Variants in HS3ST4 observed in about 807,000 individuals in gnomAD.
The protein encoded by HS3ST4 is heparan sulfate-glucosamine 3-sulfotransferase 4, also known as heparan sulfate glucosamine 3-O-sulfotransferase 4.
In HS3ST4, 17 loss-of-function variants were observed where a neutral mutation model predicts 29.2. That is an observed-to-expected ratio of 0.58 (90% CI 0.40 to 0.87). The LOEUF is 0.87. Ranked by LOEUF, HS3ST4 falls within the 40% of genes least tolerant of loss-of-function variation. HS3ST4 has a pLI of 0.00. For missense variants in HS3ST4, 627 were observed against 634.5 expected, an observed-to-expected ratio of 0.99 and a Z score of 0.13; for synonymous variants, 314 against 285.7, an observed-to-expected ratio of 1.10 and a Z score of -1.00.
At chr16:25,747,561 T>C (rs952893651) in intron 1 of HS3ST4, among the ~76,000 whole-genome samples, 10 of 152,210 alleles carry the variant, frequency 6.6e-5, no homozygotes, top group Admixed American at 3.9e-4. Context: ...TCACGACTCT[T>C]ATCAGGCAGA....
chr16:25,733,008 A>G (rs980276579), intron 1 of HS3ST4, among the ~76,000 whole-genome samples: 1 of 152,120 alleles, frequency 6.6e-6, no homozygotes, highest in African/African-American at 2.4e-5. Context: ...CTCTCTACCT[A>G]CCCTGCAGAT....
At chr16:25,820,030 A>C (rs1480012135) in intron 1 of HS3ST4, among the ~76,000 whole-genome samples, 37 of 107,224 alleles carry the variant, frequency 3.5e-4, no homozygotes, top group African/African-American at 6.7e-4. Flanking sequence ...AAAAAAAAAA[A>C]AAAAAAAAAA....
At chr16:25,867,458 G>A (rs755969214) in intron 1 of HS3ST4, among the ~76,000 whole-genome samples, 10 of 152,134 alleles carry the variant, frequency 6.6e-5, no homozygotes, top group Non-Finnish European at 1.3e-4. Context: ...TCCATGTGCG[G>A]CTTTAGAATC....
At chr16:25,988,498 T>C (rs916423834) in intron 1 of HS3ST4, among the ~76,000 whole-genome samples, 4 of 152,216 alleles carry the variant, frequency 2.6e-5, no homozygotes, top group Admixed American at 6.5e-5. Flanking sequence ...TGTATTCCTA[T>C]CTTCTGGGTG....
At chr16:25,863,987 G>A (rs918400932) in intron 1 of HS3ST4, among the ~76,000 whole-genome samples, 3 of 152,048 alleles carry the variant, frequency 2.0e-5, no homozygotes, top group Middle Eastern at 3.2e-3. Flanking sequence ...TCCTTAAGGT[G>A]CAGAGAGCCA....
chr16:25,815,270 G>A (rs541533639), intron 1 of HS3ST4, among the ~76,000 whole-genome samples: 3 of 152,278 alleles, frequency 2.0e-5, no homozygotes, highest in African/African-American at 7.2e-5. Flanking sequence ...TCACCCCCGT[G>A]GGGCTGGGTG....
chr16:26,091,644 T>A (rs1349995081), intron 1 of HS3ST4, among the ~76,000 whole-genome samples: 1 of 152,164 alleles, frequency 6.6e-6, no homozygotes, highest in East Asian at 1.9e-4. Context: ...ATAGATATCA[T>A]ATCCTGGAGA....
At chr16:25,942,098 G>A (rs748625558) in intron 1 of HS3ST4, among the ~76,000 whole-genome samples, 43 of 152,122 alleles carry the variant, frequency 2.8e-4, no homozygotes, top group African/African-American at 5.6e-4. Flanking sequence ...GAATCAGCTC[G>A]CATCACTTGG....
At chr16:26,048,489 A>G (rs1272864975) in intron 1 of HS3ST4, among the ~76,000 whole-genome samples, 1 of 152,198 alleles carries the variant, frequency 6.6e-6, no homozygotes, top group Non-Finnish European at 1.5e-5. Flanking sequence ...TGTGTGACAC[A>G]GTTTTAAGTG....
chr16:25,934,585 A>G (rs1486839185), intron 1 of HS3ST4, among the ~76,000 whole-genome samples: 1 of 152,200 alleles, frequency 6.6e-6, no homozygotes, highest in Non-Finnish European at 1.5e-5. Context: ...ATATAAAGGC[A>G]TCTGGATGTG....
At chr16:25,847,332 G>A (rs917587639) in intron 1 of HS3ST4, among the ~76,000 whole-genome samples, 1 of 152,104 alleles carries the variant, frequency 6.6e-6, no homozygotes, top group Non-Finnish European at 1.5e-5. Context: ...GAGAACTATT[G>A]ATTTTTGTCT....
chr16:25,791,878 A>ATATATAGGTCTGT (rs1230881624), intron 1 of HS3ST4, among the ~76,000 whole-genome samples: 1 of 151,902 alleles, frequency 6.6e-6, no homozygotes, highest in Non-Finnish European at 1.5e-5. Flanking sequence ...GTCTTATGGC[A>ATATATAGGTCTGT]CCATAGGTCT....
At position 25,745,617 on chromosome 16, in the gene HS3ST4, A is replaced by G. The variant is rs996247949; in HGVS notation, c.734+52466A>G. 2.0e-5 allele frequency among the ~76,000 whole-genome samples: 3 copies of G among 152,256 alleles called. No individual in the cohort carries two copies. In the East Asian group the frequency reaches 5.8e-4, roughly 29 times the overall value. ...TGCACACAGTCATGTAACTACCACA[A>G]CCATCAGGGCATAAAACATTTGTAT... On this transcript the variant is annotated intron_variant, in intron 1 of 1. Transcript: ENST00000331351.
intron 1 of HS3ST4, among the ~76,000 whole-genome samples, chr16:25,722,085 C>G (rs1178269026): frequency 6.6e-6 from 1 of 152,176 alleles, no homozygotes; most frequent in Admixed American, 6.5e-5. Context: ...GTAGCCCATT[C>G]AGGAAACTTC....
intron 1 of HS3ST4, among the ~76,000 whole-genome samples, chr16:26,009,595 G>A (rs1198541581): frequency 6.6e-6 from 1 of 152,152 alleles, no homozygotes; most frequent in Non-Finnish European, 1.5e-5. Context: ...CACCTTACTC[G>A]GGTGTGCAGG....
chr16:26,003,167 G>T (rs1051544562), intron 1 of HS3ST4, among the ~76,000 whole-genome samples: 4 of 152,150 alleles, frequency 2.6e-5, no homozygotes, highest in Non-Finnish European at 5.9e-5. Flanking sequence ...AACAACCAGA[G>T]ATTATATAAC....
chr16:25,745,809 T>G (rs1183354569), intron 1 of HS3ST4, among the ~76,000 whole-genome samples: 1 of 152,242 alleles, frequency 6.6e-6, no homozygotes. Context: ...TTCACCAATC[T>G]ACATGTTTTG....
intron 1 of HS3ST4, among the ~76,000 whole-genome samples, chr16:25,830,108 A>T (rs1361972565): frequency 6.6e-6 from 1 of 152,196 alleles, no homozygotes; most frequent in Non-Finnish European, 1.5e-5. Flanking sequence ...TACAGGCATG[A>T]ACCACCACAC....
intron 1 of HS3ST4, among the ~76,000 whole-genome samples, chr16:26,060,030 G>A (rs891034476): frequency 1.3e-5 from 2 of 152,018 alleles, no homozygotes; most frequent in African/African-American, 2.4e-5. Flanking sequence ...TGCCCGCCCC[G>A]GCCTCTCAAC....
Sources: allele counts gnomAD v4.1 joint callset (sites outside exome capture counted in the v4.1 genomes callset), GRCh38; gene constraint gnomAD v4.1.1; transcripts MANE v1.5; gene names NCBI Gene and HGNC (gene_info 2026-07-23, HGNC 2026-07-21).